The following C19orf44 variants were observed in gnomAD, a reference collection of about 807,000 sequenced individuals.
The protein encoded by C19orf44 is uncharacterized protein C19orf44.
A neutral mutation model predicts 50.7 loss-of-function variants in C19orf44; 43 were observed. The observed-to-expected ratio is 0.85, with a 90% CI of 0.66 to 1.09. C19orf44 has a LOEUF of 1.09. Ranked by LOEUF, C19orf44 falls within the 50% of genes least tolerant of loss-of-function variation. The pLI is 0.00. For synonymous variants in C19orf44, 298 were observed against 334.7 expected (o/e 0.89, Z 1.20); for missense variants, 722 against 836.2 (o/e 0.86, Z 1.68).
intron 3 of C19orf44, among the ~76,000 whole-genome samples, chr19:16,506,449 C>T (rs111491311): frequency 1.3e-3 from 200 of 152,044 alleles, no homozygotes; most frequent in African/African-American, 4.7e-3. Flanking sequence ...AAAAATTAGC[C>T]GGGCGAGGTG....
chr19:16,498,386 C>A (rs113960926), intron 1 of C19orf44, among the ~76,000 whole-genome samples: 2,917 of 152,210 alleles, frequency 0.019, 57 homozygotes, highest in Non-Finnish European at 0.027. Context: ...TGGGCTCAAG[C>A]AATCCTCCCA....
rs552450410 is a variant in C19orf44, at chr19:16,503,241, G to C, written c.936G>C (p.Pro312=). The C allele has an allele frequency of 6.2e-7, 1 of 1,614,056 alleles. No individual in the cohort carries two copies. ...HVSSDTASHT[P]SVSITGAFSN... ...CCAGTGACACCGCCTCCCACACGCC[G>C]TCAGTTTCCATCACAGGCGCCTTTT... The change falls in exon 3 of 9, where the codon CCG becomes CCC. Residue 312 remains proline, a synonymous_variant. Transcript: ENST00000221671.
rs1485879984 is a variant in C19orf44 at position 16,506,721 on chromosome 19, T to C, written c.1096T>C (p.Ser366Pro). 12 of 1,603,348 alleles carry C rather than the reference T, an allele frequency of 7.5e-6. No homozygotes were observed. Among genetic ancestry groups the C allele is most frequent in the Non-Finnish European group, 1.0e-5 (12 of 1,174,350 alleles). The part of the protein sequence containing the change: ...SLDEFRINIL[S>P]LDGLAPAVSE... ...TACAGAGTTTAGAATAAATATTTTA[T>C]CGCTTGACGGTCTGGCTCCAGCTGT... is the stretch of plus-strand genomic sequence containing the variant. Residue 366 changes from serine (S) to proline (P), a missense_variant, in exon 4 of 9, where the codon TCG becomes CCG. Physicochemically the swap from Ser to Pro is moderately conservative, Grantham distance 74. Transcript: ENST00000221671.
chr19:16,517,584 G>A (rs1206921061), intron 8 of C19orf44, among the ~76,000 whole-genome samples: 2 of 152,192 alleles, frequency 1.3e-5, no homozygotes, highest in Non-Finnish European at 2.9e-5. Context: ...CCAGCTCTAT[G>A]ACACCACAGG....
rs2085606834 is a variant in C19orf44 at position 16,520,831 on chromosome 19, C to T, written c.*778C>T. ...GCAGACATCTGCGCTTTTACCTGTT[C>T]CTCTTCTCCTGGCCTTTCCTCCGCC... On this transcript the variant is annotated 3_prime_UTR_variant, in exon 9 of 9. Coordinates refer to ENST00000221671, the MANE Select transcript of C19orf44 (RefSeq NM_032207.4). This position sits in a 1 kb window ranked among gnomAD's most constrained non-coding sequence, Gnocchi z 4.0. The T allele has an allele frequency of 3.1e-6, 5 of 1,613,430 alleles. No individual in the cohort carries two copies. The highest frequency in any genetic ancestry group is 2.5e-6 in the Non-Finnish European group (3 of 1,179,744).
chr19:16,499,228 A>G (rs1336017099), intron 1 of C19orf44, among the ~76,000 whole-genome samples: 1 of 152,098 alleles, frequency 6.6e-6, no homozygotes, highest in Non-Finnish European at 1.5e-5. Flanking sequence ...CAAGCAAACA[A>G]GTTTATTCGG....
intron 5 of C19orf44, 130 bp from the exon 6 acceptor site, chr19:16,512,884 A>C: frequency 1.4e-6 from 1 of 701,386 alleles, no homozygotes; most frequent in Non-Finnish European, 2.3e-6. Flanking sequence ...AAAAAAATGC[A>C]AGAGTGGCGA....
chr19:16,511,042 C>CTT (rs749354519), intron 5 of C19orf44, among the ~76,000 whole-genome samples: 1 of 145,838 alleles, frequency 6.9e-6, no homozygotes, highest in Admixed American at 6.9e-5. Flanking sequence ...GGCCCTGTAT[C>CTT]TTTTTTTTTT....
intron 6 of C19orf44, 62 bp from the exon 7 acceptor site, chr19:16,514,431 TGGGG>T (rs377427270): frequency 2.8e-6 from 3 of 1,056,022 alleles, no homozygotes; most frequent in Non-Finnish European, 3.8e-6. Context: ...ACCTGAGCGG[TGGGG>T]GGGGGGCTGC....
In C19orf44 at chr19:16,501,270, G is replaced by A. The variant is rs1277076579; in HGVS notation, c.478G>A (p.Val160Ile). Reference sequence around the variant, plus strand: ...CCAGAATCAAGCCCGTGAACTTCCTGTCACCGAAAATAATGCACAGAACGC... The same window carrying A: ...CCAGAATCAAGCCCGTGAACTTCCTATCACCGAAAATAATGCACAGAACGC... ...TSQNQARELP[V>I]TENNAQNAKV... Residue 160 changes from valine (V) to isoleucine (I), a missense_variant, in exon 2 of 9, where the codon GTC becomes ATC. Physicochemically the swap from Val to Ile is conservative, Grantham distance 29. Transcript: ENST00000221671. 2 of 1,614,026 alleles carry A rather than the reference G, an allele frequency of 1.2e-6. No homozygotes were observed. The highest frequency in any genetic ancestry group is 2.7e-5 in the African/African-American group (2 of 74,914).
In C19orf44 at chr19:16,520,451, G is replaced by A; in HGVS notation, c.*398G>A. 1.2e-6 allele frequency: 2 copies of A among 1,614,090 alleles called. No individual in the cohort carries two copies. Among genetic ancestry groups the A allele is most frequent in the Non-Finnish European group, 1.7e-6 (2 of 1,180,038 alleles). On this transcript the variant is annotated 3_prime_UTR_variant, in exon 9 of 9. Coordinates refer to ENST00000221671, the MANE Select transcript of C19orf44 (RefSeq NM_032207.4). The surrounding 1 kb of genome is among the most constrained non-coding windows in gnomAD (Gnocchi z 4.0). ...TGAAGACTTGGAGGATCTTGAGTTG[G>A]AGCGGGAGGAAGAACGCCCTCGACT...
At chr19:16,516,829 T>C (rs1323758257) in intron 7 of C19orf44, among the ~76,000 whole-genome samples, 9 of 152,226 alleles carry the variant, frequency 5.9e-5, no homozygotes, top group Non-Finnish European at 7.3e-5. Flanking sequence ...ACTTTGCTCA[T>C]TGCAGCCCTC....
In C19orf44 at chr19:16,520,455, G is replaced by C; in HGVS notation, c.*402G>C. The stretch of plus-strand genomic sequence containing the variant: ...GACTTGGAGGATCTTGAGTTGGAGC[G>C]GGAGGAAGAACGCCCTCGACTCTTG... On this transcript the variant is annotated 3_prime_UTR_variant, in exon 9 of 9. Transcript: ENST00000221671. This position sits in a 1 kb window ranked among gnomAD's most constrained non-coding sequence, Gnocchi z 4.0. 3 of 1,614,098 alleles carry C rather than the reference G, an allele frequency of 1.9e-6. No homozygotes were observed. Among genetic ancestry groups the C allele is most frequent in the Non-Finnish European group, 2.5e-6 (3 of 1,180,016 alleles).
chr19:16,506,264 C>T (rs2093440274), intron 3 of C19orf44, among the ~76,000 whole-genome samples: 2 of 151,948 alleles, frequency 1.3e-5, no homozygotes, highest in African/African-American at 4.8e-5. Flanking sequence ...CGTGAGTCAC[C>T]GCGCCTGGCC....
At chr19:16,515,140 T>A (rs1401983928) in intron 7 of C19orf44, among the ~76,000 whole-genome samples, 1 of 152,102 alleles carries the variant, frequency 6.6e-6, no homozygotes, top group Non-Finnish European at 1.5e-5. Flanking sequence ...GATGGGTGGA[T>A]CACTTGAGGT....
At position 16,517,442 on chromosome 19, in the gene C19orf44, G is replaced by A. The variant is rs1003297252; in HGVS notation, c.*40+101G>A. The A allele has an allele frequency of 1.3e-5, 10 of 783,492 alleles. No individual in the cohort carries two copies. In the African/African-American group the frequency reaches 1.7e-4, roughly 13 times the overall value. 48.5% of individuals were successfully genotyped at this position (783,492 alleles called of 1,614,324 possible). On this transcript the variant is annotated intron_variant, in intron 8 of 8. Transcript: ENST00000221671. ...CGTGGTGGGGGCAGGTGGTACTGGG[G>A]TGATGGACACACACACACACAGTCA...
At chr19:16,506,472 A>G (rs1352626635) in intron 3 of C19orf44, among the ~76,000 whole-genome samples, 4 of 152,104 alleles carry the variant, frequency 2.6e-5, no homozygotes, top group Non-Finnish European at 5.9e-5. Context: ...AGGCACCTGT[A>G]ATCCCAGCTA....
At position 16,506,685 on chromosome 19, in the gene C19orf44, C is replaced by A; in HGVS notation, c.1076-16C>A. On this transcript the variant is annotated splice_polypyrimidine_tract_variant and intron_variant, in intron 3 of 8. Coordinates refer to ENST00000221671, the MANE Select transcript of C19orf44 (RefSeq NM_032207.4). ...GAGAGTAAATGTAAACGCTTATACT[C>A]ATTTTTTAATTACAGAGTTTAGAAT... 1 of 1,547,718 alleles carries A rather than the reference C, an allele frequency of 6.5e-7. No individual in the cohort carries two copies. The highest frequency in any genetic ancestry group is 8.8e-7 in the Non-Finnish European group (1 of 1,139,848).
intron 7 of C19orf44, among the ~76,000 whole-genome samples, chr19:16,516,340 G>A (rs999869298): frequency 6.6e-6 from 1 of 152,160 alleles, no homozygotes; most frequent in South Asian, 2.1e-4. Context: ...AGCTCTCTGG[G>A]AGGCTGAGGT....
Sources: allele counts gnomAD v4.1 joint callset (sites outside exome capture counted in the v4.1 genomes callset), GRCh38; gene constraint gnomAD v4.1.1; non-coding constraint Gnocchi (gnomAD v3.1); transcripts MANE v1.5; gene names NCBI Gene and HGNC (gene_info 2026-07-23, HGNC 2026-07-21).